The following COG5 variants were observed in gnomAD, a reference collection of about 807,000 sequenced individuals.
COG5 encodes the protein component of oligomeric golgi complex 5, also known as conserved oligomeric Golgi complex subunit 5.
COG5 carries 86 observed loss-of-function variants against 110.4 expected under a neutral mutation model. The ratio of observed to expected loss-of-function variants is 0.78; its 90% CI spans 0.65 to 0.93. The LOEUF (loss-of-function observed/expected upper bound fraction) is 0.93, where lower values mean the gene tolerates loss of function less well. COG5 is among the 40% of genes least tolerant of loss of function. The pLI, the probability that COG5 is intolerant of heterozygous loss-of-function variation, is 0.00. For synonymous variants in COG5, 360 were observed against 334.6 expected (o/e 1.08, Z -0.83); for missense variants, 1,077 against 987.0 (o/e 1.09, Z -1.22).
rs571468926 is a variant in COG5 at position 107,494,879 on chromosome 7, AT to A, written c.538+32357del. ...ATTCTGGAGATGGCTGAGAACAGGA[AT>A]CAGGGCAGGCAGAGTAGTTATTTCA... On this transcript the variant is annotated intron_variant, in intron 6 of 21. Coordinates refer to ENST00000297135, the MANE Select transcript of COG5 (RefSeq NM_006348.5). Among the ~76,000 whole-genome samples, 207 of 152,282 alleles carry A rather than the reference AT, an allele frequency of 1.4e-3. 1 individual carries two copies. The highest frequency in any genetic ancestry group is 4.6e-3 in the African/African-American group (190 of 41,568).
At chr7:107,319,686 T>A (rs1485763486) in intron 11 of COG5, among the ~76,000 whole-genome samples, 1 of 152,198 alleles carries the variant, frequency 6.6e-6, no homozygotes, top group African/African-American at 2.4e-5. Flanking sequence ...TAAAAGTCCA[T>A]TAAATGACCT....
At chr7:107,219,537 C>T (rs371712405) in intron 19 of COG5, among the ~76,000 whole-genome samples, 50 of 152,282 alleles carry the variant, frequency 3.3e-4, no homozygotes, top group African/African-American at 1.1e-3. Context: ...TTCGACAACA[C>T]GGATGAGCCT....
intron 14 of COG5, among the ~76,000 whole-genome samples, chr7:107,277,240 T>A (rs1182524217): frequency 6.6e-6 from 1 of 152,120 alleles, no homozygotes; most frequent in Non-Finnish European, 1.5e-5. Context: ...AAAAAAGATG[T>A]TATGTTTATA....
At chr7:107,491,897 A>T (rs1052093402) in intron 6 of COG5, among the ~76,000 whole-genome samples, 1 of 152,170 alleles carries the variant, frequency 6.6e-6, no homozygotes, top group Non-Finnish European at 1.5e-5. Flanking sequence ...CAGATCTGTG[A>T]TAATATCCCA....
At chr7:107,552,298 AG>A (rs1363794574) in intron 3 of COG5, among the ~76,000 whole-genome samples, 6 of 152,234 alleles carry the variant, frequency 3.9e-5, no homozygotes, top group African/African-American at 1.4e-4. Flanking sequence ...AATTAAAACT[AG>A]TGAGCTTCTG....
At chr7:107,319,660 T>C (rs1193832773) in intron 11 of COG5, among the ~76,000 whole-genome samples, 2 of 152,248 alleles carry the variant, frequency 1.3e-5, no homozygotes, top group African/African-American at 4.8e-5. Flanking sequence ...AGCAGTTACC[T>C]TTCCATGTAG....
rs138139525 is a variant in COG5, at chr7:107,258,358, T to A, written c.1601A>T (p.Gln534Leu). ...QLLSTQGDAS[Q>L]VIGPLTEGQR... is the part of the protein sequence containing the mutation. ...TCCTTCAGTAAGAGGCCCAATCACC[T>A]GACTTGCATCTCCTTGTGTGGAGAG... Residue 534 changes from glutamine to leucine, a missense_variant, in exon 15 of 22, where the codon CAG becomes CTG. Coordinates refer to ENST00000297135, the MANE Select transcript of COG5 (RefSeq NM_006348.5). 8 of 1,611,258 alleles carry A rather than the reference T, an allele frequency of 5.0e-6. No individual in the cohort carries two copies. The highest frequency in any genetic ancestry group is 1.3e-5 in the African/African-American group (1 of 74,858).
At chr7:107,390,959 A>C (rs1790581194) in intron 7 of COG5, among the ~76,000 whole-genome samples, 1 of 151,918 alleles carries the variant, frequency 6.6e-6, no homozygotes, top group Non-Finnish European at 1.5e-5. Context: ...GGCTGAAGGC[A>C]CCCTAATCCT....
intron 10 of COG5, among the ~76,000 whole-genome samples, chr7:107,355,728 A>G (rs1812569352): frequency 6.6e-6 from 1 of 152,244 alleles, no homozygotes; most frequent in Non-Finnish European, 1.5e-5. Context: ...GGCAAAAACT[A>G]TGAAGACAGT....
At chr7:107,398,076 G>C (rs957280670) in intron 7 of COG5, among the ~76,000 whole-genome samples, 1 of 152,022 alleles carries the variant, frequency 6.6e-6, no homozygotes, top group Non-Finnish European at 1.5e-5. Context: ...ACCTTAGGTA[G>C]GCAAAAATTT....
intron 5 of COG5, among the ~76,000 whole-genome samples, chr7:107,536,090 C>A (rs983702206): frequency 6.6e-6 from 1 of 152,028 alleles, no homozygotes; most frequent in Non-Finnish European, 1.5e-5. Context: ...GAAAAGGCCA[C>A]AAAATTCAAC....
chr7:107,503,362 T>C (rs954358399), intron 6 of COG5, among the ~76,000 whole-genome samples: 4 of 152,208 alleles, frequency 2.6e-5, no homozygotes, highest in Non-Finnish European at 2.9e-5. Flanking sequence ...TCTATGTGCC[T>C]ACTTTTATAC....
chr7:107,526,192 G>A (rs1800723950), intron 6 of COG5, among the ~76,000 whole-genome samples: 1 of 152,154 alleles, frequency 6.6e-6, no homozygotes, highest in South Asian at 2.1e-4. Flanking sequence ...GCAGACTCTT[G>A]ATATCTGAAA....
chr7:107,539,129 T>C (rs542889461), intron 5 of COG5, among the ~76,000 whole-genome samples: 9 of 151,434 alleles, frequency 5.9e-5, no homozygotes, highest in African/African-American at 1.9e-4. Context: ...AATTAAAATT[T>C]AAAAAAAAAT....
intron 6 of COG5, among the ~76,000 whole-genome samples, chr7:107,514,664 C>A (rs1799792612): frequency 6.6e-6 from 1 of 152,064 alleles, no homozygotes; most frequent in Non-Finnish European, 1.5e-5. Context: ...GTCCTTAGGA[C>A]CCACTGGAAT....
intron 6 of COG5, among the ~76,000 whole-genome samples, chr7:107,414,808 C>A (rs1376953332): frequency 2.1e-5 from 3 of 141,550 alleles, no homozygotes; most frequent in African/African-American, 5.3e-5. Context: ...CTCACTGCAA[C>A]CTCCGCCCGC....
At chr7:107,477,841 C>T (rs572728254) in intron 6 of COG5, among the ~76,000 whole-genome samples, 4 of 151,852 alleles carry the variant, frequency 2.6e-5, no homozygotes, top group South Asian at 2.1e-4. Flanking sequence ...TATGAAAAGA[C>T]GAAATATTTC....
intron 21 of COG5, among the ~76,000 whole-genome samples, chr7:107,204,885 T>C (rs547289586): frequency 6.6e-6 from 1 of 152,232 alleles, no homozygotes; most frequent in Non-Finnish European, 1.5e-5. Flanking sequence ...GTCAAAAAAT[T>C]GGGGCAGCGT....
chr7:107,210,410 TG>T, intron 21 of COG5, 115 bp downstream of exon 21: 1 of 1,495,100 alleles, frequency 6.7e-7, no homozygotes, highest in Non-Finnish European at 8.9e-7. Context: ...GGCCCGCCAC[TG>T]GAAGGTGCAG....
Sources: allele counts gnomAD v4.1 joint callset (sites outside exome capture counted in the v4.1 genomes callset), GRCh38; gene constraint gnomAD v4.1.1; transcripts MANE v1.5; gene names NCBI Gene and HGNC (gene_info 2026-07-23, HGNC 2026-07-21).